Variants in CACNA2D1 observed in about 807,000 individuals in gnomAD.
CACNA2D1 encodes the protein voltage-dependent calcium channel subunit alpha-2/delta-1.
A neutral mutation model predicts 171.5 loss-of-function variants in CACNA2D1; 53 were observed. The observed-to-expected ratio is 0.31, with a 90% CI of 0.25 to 0.39. The LOEUF (loss-of-function observed/expected upper bound fraction) is 0.39, where lower values mean the gene tolerates loss of function less well. Among genes scored for constraint, CACNA2D1 ranks in the 10% least tolerant of loss-of-function variants. The probability of loss-of-function intolerance (pLI) is 1.00; values close to 1 mark genes in which losing one functional copy is unlikely to be tolerated. For missense variants in CACNA2D1, 903 were observed against 1,299.8 expected (o/e 0.69, Z 4.69); for synonymous variants, 442 against 443.1 (o/e 1.00, Z 0.03).
At chr7:82,148,751 C>A (rs1793448412) in intron 4 of CACNA2D1, among the ~76,000 whole-genome samples, 1 of 152,140 alleles carries the variant, frequency 6.6e-6, no homozygotes, top group Non-Finnish European at 1.5e-5. Context: ...GATTCTCCTG[C>A]CTCAGCCTCC....
In CACNA2D1 at chr7:81,947,712, A is replaced by G. The variant is rs1792150289; in HGVS notation, c.*2680T>C. On this transcript the variant is annotated 3_prime_UTR_variant, in exon 39 of 39. Coordinates refer to ENST00000356860, the MANE Select transcript of CACNA2D1 (RefSeq NM_000722.4). ...GTCGTTGGAAATCAATATTAATAAC[A>G]GGCTATAATTTAAGTTCTTGTCAAT... The G allele has an allele frequency of 6.6e-6, 1 of 151,922 alleles. No homozygotes were observed. The highest frequency in any genetic ancestry group is 1.5e-5 in the Non-Finnish European group (1 of 67,850). The allele number at this position is 151,922 out of a possible 1,614,324, so 9.4% of individuals were successfully genotyped here. A position where few individuals can be genotyped will look rare whatever the true frequency, so the allele number is the denominator to read the frequency against.
At chr7:82,350,554 A>G (rs1819739794) in intron 1 of CACNA2D1, among the ~76,000 whole-genome samples, 1 of 152,136 alleles carries the variant, frequency 6.6e-6, no homozygotes, top group Non-Finnish European at 1.5e-5. Flanking sequence ...AGTCCCAGCT[A>G]CTCAGGAGGC....
At chr7:81,956,058 G>A (rs1432755102) in intron 38 of CACNA2D1, among the ~76,000 whole-genome samples, 2 of 136,920 alleles carry the variant, frequency 1.5e-5, no homozygotes, top group Admixed American at 8.3e-5. Context: ...CACAATCTCA[G>A]CTTACTGCAA....
intron 1 of CACNA2D1, 57 bp downstream of exon 1, chr7:82,443,308 C>A: frequency 6.5e-7 from 1 of 1,536,220 alleles, no homozygotes; most frequent in Non-Finnish European, 8.8e-7. Flanking sequence ...CCGACCCCCA[C>A]CCCCAACTCC....
At chr7:82,163,265 T>A (rs1248260911) in intron 4 of CACNA2D1, among the ~76,000 whole-genome samples, 1 of 152,040 alleles carries the variant, frequency 6.6e-6, no homozygotes, top group African/African-American at 2.4e-5. Flanking sequence ...TTTCCAAAAT[T>A]TTAGGCATAT....
At chr7:82,285,549 G>T (rs191499091) in intron 3 of CACNA2D1, among the ~76,000 whole-genome samples, 86 of 152,272 alleles carry the variant, frequency 5.6e-4, no homozygotes, top group African/African-American at 2.0e-3. Flanking sequence ...ATAAGGAGGT[G>T]TCAGGGCAGT....
At chr7:82,417,567 T>C (rs537974079) in intron 1 of CACNA2D1, among the ~76,000 whole-genome samples, 1 of 152,334 alleles carries the variant, frequency 6.6e-6, no homozygotes, top group Non-Finnish European at 1.5e-5. Context: ...CGGAAACATG[T>C]ATCATGGGTC....
chr7:82,381,420 A>C (rs1823704131), intron 1 of CACNA2D1, among the ~76,000 whole-genome samples: 1 of 151,906 alleles, frequency 6.6e-6, no homozygotes, highest in African/African-American at 2.4e-5. Context: ...TACCTTTATC[A>C]TTAGCTTGGT....
chr7:82,000,271 T>C (rs1798452172), intron 18 of CACNA2D1, among the ~76,000 whole-genome samples: 2 of 151,630 alleles, frequency 1.3e-5, no homozygotes, highest in South Asian at 4.2e-4. Flanking sequence ...AAAAAATAAA[T>C]AAATAAACAA....
intron 1 of CACNA2D1, among the ~76,000 whole-genome samples, chr7:82,370,698 CA>C (rs35310284): frequency 0.023 from 3,508 of 152,094 alleles, 130 homozygotes; most frequent in East Asian, 0.092. Flanking sequence ...TACCTATTCT[CA>C]ATTTATCTCT....
At chr7:81,989,288 G>A (rs1407669853) in intron 21 of CACNA2D1, among the ~76,000 whole-genome samples, 3 of 152,190 alleles carry the variant, frequency 2.0e-5, no homozygotes, top group Admixed American at 2.0e-4. Context: ...CAGACTTCGG[G>A]TGTCAGACTG....
chr7:82,111,895 GT>G (rs1289497533), intron 6 of CACNA2D1, among the ~76,000 whole-genome samples: 1 of 152,006 alleles, frequency 6.6e-6, no homozygotes, highest in East Asian at 1.9e-4. Flanking sequence ...CTAACATATT[GT>G]TTTTTAAACT....
intron 3 of CACNA2D1, among the ~76,000 whole-genome samples, chr7:82,317,794 G>C (rs73376143): frequency 0.079 from 11,986 of 152,012 alleles, 1,587 homozygotes; most frequent in African/African-American, 0.27. Flanking sequence ...ATCTCCAAAA[G>C]ATAGCTTCAT....
chr7:82,362,980 A>T (rs1821241361), intron 1 of CACNA2D1, among the ~76,000 whole-genome samples: 1 of 152,150 alleles, frequency 6.6e-6, no homozygotes, highest in Admixed American at 6.5e-5. Flanking sequence ...CTAGGTGCAA[A>T]AGAAATGATG....
intron 5 of CACNA2D1, among the ~76,000 whole-genome samples, chr7:82,128,097 T>G (rs1229913089): frequency 3.7e-5 from 4 of 108,780 alleles, no homozygotes; most frequent in African/African-American, 8.3e-5. Context: ...CTAATTTTAG[T>G]TTTTTTTTTT....
At chr7:82,430,257 AAT>A (rs1195546887) in intron 1 of CACNA2D1, among the ~76,000 whole-genome samples, 1 of 151,952 alleles carries the variant, frequency 6.6e-6, no homozygotes, top group Non-Finnish European at 1.5e-5. Flanking sequence ...CTCTACTCAG[AAT>A]ATAAAAAAAT....
intron 24 of CACNA2D1, among the ~76,000 whole-genome samples, chr7:81,982,069 GA>G (rs2130630347): frequency 6.6e-6 from 1 of 152,142 alleles, no homozygotes; most frequent in East Asian, 1.9e-4. Context: ...TGTTCTACAA[GA>G]GCAAAGCCTA....
intron 3 of CACNA2D1, among the ~76,000 whole-genome samples, chr7:82,321,224 C>G (rs1274769676): frequency 6.6e-6 from 1 of 151,952 alleles, no homozygotes; most frequent in Non-Finnish European, 1.5e-5. Flanking sequence ...CATGGTGAAA[C>G]CCCGTCTCTA....
intron 3 of CACNA2D1, among the ~76,000 whole-genome samples, chr7:82,184,834 A>G (rs532866748): frequency 4.3e-4 from 66 of 152,332 alleles, no homozygotes; most frequent in Non-Finnish European, 7.8e-4. Flanking sequence ...ATAATGAGAA[A>G]TAAAGAAGGG....
Sources: allele counts gnomAD v4.1 joint callset (sites outside exome capture counted in the v4.1 genomes callset), GRCh38; gene constraint gnomAD v4.1.1; transcripts MANE v1.5; gene names NCBI Gene and HGNC (gene_info 2026-07-23, HGNC 2026-07-21).